The following SBNO1 variants were observed in gnomAD, a reference collection of about 807,000 sequenced individuals.
SBNO1 encodes the protein strawberry notch homolog 1.
Under a neutral mutation model 173.6 loss-of-function variants are expected in SBNO1, and 23 were observed. The observed-to-expected ratio is 0.13, with a 90% confidence interval of 0.10 to 0.19. The LOEUF (loss-of-function observed/expected upper bound fraction) is 0.19, where lower values mean the gene tolerates loss of function less well. Ranked by LOEUF, SBNO1 falls within the 10% of genes least tolerant of loss-of-function variation. The pLI, the probability that SBNO1 is intolerant of heterozygous loss-of-function variation, is 1.00. For synonymous variants in SBNO1, 632 were observed against 571.5 expected (o/e 1.11, Z -1.51); for missense variants, 1,238 against 1,671.2 (o/e 0.74, Z 4.52).
chr12:123,364,297 T>C (rs556219572), intron 1 of SBNO1: 1 of 985,388 alleles, frequency 1.0e-6, no homozygotes, highest in Non-Finnish European at 1.2e-6. Context: ...GTCCTTACTT[T>C]CCCCGCGGGT....
chr12:123,340,283 T>C (rs1872370431), intron 5 of SBNO1, among the ~76,000 whole-genome samples: 1 of 152,060 alleles, frequency 6.6e-6, no homozygotes, highest in Non-Finnish European at 1.5e-5. Flanking sequence ...TTTCAAAATG[T>C]TAAGAATTCT....
At chr12:123,297,249 C>G (rs2048629398) in intron 31 of SBNO1, among the ~76,000 whole-genome samples, 1 of 142,230 alleles carries the variant, frequency 7.0e-6, no homozygotes, top group Non-Finnish European at 1.5e-5. Flanking sequence ...GTAATCCCAG[C>G]TACTCGGGAG....
intron 16 of SBNO1, among the ~76,000 whole-genome samples, chr12:123,322,302 T>C (rs1870074105): frequency 6.6e-6 from 1 of 151,710 alleles, no homozygotes; most frequent in Non-Finnish European, 1.5e-5. Flanking sequence ...CCAGATATTT[T>C]TTTTTTTTCC....
At chr12:123,319,072 T>C (rs1041973962) in intron 20 of SBNO1, among the ~76,000 whole-genome samples, 1 of 151,182 alleles carries the variant, frequency 6.6e-6, no homozygotes, top group Non-Finnish European at 1.5e-5. Flanking sequence ...CCAGCTATTC[T>C]CCTCCCTCAG....
chr12:123,356,062 G>A (rs1000781161), intron 1 of SBNO1, among the ~76,000 whole-genome samples: 1 of 152,108 alleles, frequency 6.6e-6, no homozygotes, highest in African/African-American at 2.4e-5. Context: ...GCAGACACCA[G>A]GGACATGTCC....
At chr12:123,346,914 C>T (rs1398885386) in intron 3 of SBNO1, among the ~76,000 whole-genome samples, 1 of 151,320 alleles carries the variant, frequency 6.6e-6, no homozygotes, top group African/African-American at 2.4e-5. Flanking sequence ...CCTGTCTCTA[C>T]TAAAGATACA....
chr12:123,299,858 G>C (rs1461981061), intron 30 of SBNO1, among the ~76,000 whole-genome samples: 1 of 151,830 alleles, frequency 6.6e-6, no homozygotes, highest in African/African-American at 2.4e-5. Context: ...GATCCTGAGA[G>C]ATCCTGCCAT....
intron 5 of SBNO1, among the ~76,000 whole-genome samples, chr12:123,338,609 C>G (rs896416997): frequency 6.6e-6 from 1 of 152,130 alleles, no homozygotes; most frequent in African/African-American, 2.4e-5. Context: ...TGCTTGAGCC[C>G]GGGAAGGGGA....
intron 1 of SBNO1, chr12:123,363,802 C>T: frequency 1.1e-6 from 1 of 944,478 alleles, no homozygotes; most frequent in South Asian, 4.9e-5. Flanking sequence ...AGTTAGTGGT[C>T]CGCAAACATT....
intron 4 of SBNO1, among the ~76,000 whole-genome samples, chr12:123,341,845 T>C (rs1173248879): frequency 6.6e-6 from 1 of 150,968 alleles, no homozygotes; most frequent in Non-Finnish European, 1.5e-5. Context: ...CTAATTTAAA[T>C]TAAGCACAGG....
At chr12:123,362,017 T>C (rs1467455482) in intron 1 of SBNO1, among the ~76,000 whole-genome samples, 4 of 151,642 alleles carry the variant, frequency 2.6e-5, no homozygotes, top group Admixed American at 6.6e-5. Context: ...CACGCGCCTG[T>C]AGTCCCAGCT....
intron 23 of SBNO1, among the ~76,000 whole-genome samples, chr12:123,314,323 TG>T (rs1346919679): frequency 8.2e-6 from 1 of 122,094 alleles, no homozygotes; most frequent in Non-Finnish European, 1.9e-5. Context: ...CCCGCCACCA[TG>T]CCCAACTAAA....
chr12:123,312,657 G>C (rs1868731962), intron 24 of SBNO1, among the ~76,000 whole-genome samples: 1 of 150,904 alleles, frequency 6.6e-6, no homozygotes, highest in Non-Finnish European at 1.5e-5. Context: ...GTTGCACTGA[G>C]CCAAGATCAC....
At position 123,293,269 on chromosome 12, in the gene SBNO1, G is replaced by A. The variant is rs2048538123; in HGVS notation, c.*2639C>T. On this transcript the variant is annotated 3_prime_UTR_variant, in exon 32 of 32. Coordinates refer to ENST00000602398, the MANE Select transcript of SBNO1 (RefSeq NM_001167856.3). ...GGTACAGATGGGGTTTTGCCATGTGGACCAGGCTGGTCTCGAACTCCTGGC... is the reference window on the plus strand; with the variant it reads ...GGTACAGATGGGGTTTTGCCATGTGAACCAGGCTGGTCTCGAACTCCTGGC... The A allele has an allele frequency of 6.6e-6, 1 of 152,184 alleles. No homozygotes were observed. The highest frequency in any genetic ancestry group is 1.5e-5 in the Non-Finnish European group (1 of 68,066). The allele number at this position is 152,184 out of a possible 1,614,324, so 9.4% of individuals were successfully genotyped here.
chr12:123,326,800 G>A (rs529809358), intron 13 of SBNO1, among the ~76,000 whole-genome samples: 50 of 152,054 alleles, frequency 3.3e-4, no homozygotes, highest in African/African-American at 1.2e-3. Flanking sequence ...ATTGACATGC[G>A]CCTGCAGTCC....
In SBNO1 at chr12:123,295,287, GTT is replaced by G. The variant is rs1211553725; in HGVS notation, c.*619_*620del. 3.3e-5 allele frequency: 5 copies of G among 152,112 alleles called. No homozygotes were observed. The highest frequency in any genetic ancestry group is 1.2e-4 in the African/African-American group (5 of 41,410). 9.4% of individuals were successfully genotyped at this position (152,112 alleles called of 1,614,324 possible). ...AACCAATGCTGTACATCTAACAAATGTTTCTCTCTGTTACTCGACTCCTGTGT... is the reference window on the plus strand; with the variant it reads ...AACCAATGCTGTACATCTAACAAATGTCTCTCTGTTACTCGACTCCTGTGT... On this transcript the variant is annotated 3_prime_UTR_variant, in exon 32 of 32. Transcript: ENST00000602398.
intron 4 of SBNO1, among the ~76,000 whole-genome samples, chr12:123,342,025 C>T (rs1872622858): frequency 6.6e-6 from 1 of 151,172 alleles, no homozygotes; most frequent in South Asian, 2.1e-4. Context: ...ATAAACAAGG[C>T]CGGCGCAGTG....
At chr12:123,340,738 T>C (rs944538193) in intron 5 of SBNO1, among the ~76,000 whole-genome samples, 2 of 152,086 alleles carry the variant, frequency 1.3e-5, no homozygotes, top group African/African-American at 4.8e-5. Context: ...TCTGCTCAGA[T>C]GAGATTTTTA....
chr12:123,323,668 T>C lies in SBNO1; in HGVS notation c.2125+12A>G. On this transcript the variant is annotated intron_variant, in intron 16 of 31. Transcript: ENST00000602398. ...CGCACCTGGCCTATTTTTTCTTTTT[T>C]AAAGTGCTCACCTTTCCGCTTCTTT... 1 of 1,584,138 alleles carries C rather than the reference T, an allele frequency of 6.3e-7. No individual in the cohort carries two copies.
Sources: gnomAD v4.1 joint callset for allele counts (sites outside exome capture counted in the v4.1 genomes callset) on GRCh38, gnomAD v4.1.1 for gene constraint, MANE v1.5 for transcripts, NCBI Gene and HGNC (gene_info 2026-07-23, HGNC 2026-07-21) for gene names.